SKAP1: variants seen among roughly 807,000 people sequenced by gnomAD.
The protein encoded by SKAP1 is src kinase associated phosphoprotein 1.
In SKAP1, 44 loss-of-function variants were observed where a neutral mutation model predicts 58.5. The ratio of observed to expected loss-of-function variants is 0.75; its 90% CI spans 0.59 to 0.97. SKAP1 has a LOEUF of 0.97. SKAP1 is among the 50% of genes least tolerant of loss of function. The pLI is 0.00. For synonymous variants in SKAP1, 127 were observed against 149.7 expected (o/e 0.85, Z 1.11); for missense variants, 390 against 435.2 (o/e 0.90, Z 0.92).
At chr17:48,300,777 C>T (rs1343143363) in intron 4 of SKAP1, among the ~76,000 whole-genome samples, 1 of 152,156 alleles carries the variant, frequency 6.6e-6, no homozygotes, top group African/African-American at 2.4e-5. Flanking sequence ...TTAATGGCTG[C>T]CTTAAACTTC....
intron 4 of SKAP1, among the ~76,000 whole-genome samples, chr17:48,224,537 C>A (rs1436421990): frequency 6.6e-6 from 1 of 152,202 alleles, no homozygotes. Context: ...ATTGACTGAA[C>A]TATTCCATTT....
chr17:48,157,660 C>T (rs1019473817), intron 11 of SKAP1, among the ~76,000 whole-genome samples: 2 of 150,766 alleles, frequency 1.3e-5, no homozygotes, highest in Admixed American at 6.6e-5. Flanking sequence ...TCCCAAGTAG[C>T]TGGGACTACA....
chr17:48,411,906 G>A (rs535467753), intron 1 of SKAP1, among the ~76,000 whole-genome samples: 1 of 152,228 alleles, frequency 6.6e-6, no homozygotes, highest in Non-Finnish European at 1.5e-5. Flanking sequence ...AACTAAACGA[G>A]GTATCCTGGA....
intron 11 of SKAP1, among the ~76,000 whole-genome samples, chr17:48,154,875 A>G (rs1208083802): frequency 7.2e-5 from 11 of 151,918 alleles, no homozygotes. Flanking sequence ...CCTGGCCAAC[A>G]TGGTGAAACC....
At chr17:48,402,677 C>A (rs2067514605) in intron 1 of SKAP1, among the ~76,000 whole-genome samples, 1 of 152,076 alleles carries the variant, frequency 6.6e-6, no homozygotes, top group Non-Finnish European at 1.5e-5. Flanking sequence ...ACCCAAATAT[C>A]CATTAACTGA....
the SKAP1 span, among the ~76,000 whole-genome samples, chr17:48,439,453 C>T: frequency 6.6e-6 from 1 of 152,182 alleles, no homozygotes; most frequent in Admixed American, 6.5e-5. Context: ...ACACTTCATT[C>T]AATGGTGTGG....
chr17:48,290,490 C>T (rs9909089), intron 4 of SKAP1, among the ~76,000 whole-genome samples: 14,053 of 152,220 alleles, frequency 0.092, 991 homozygotes, highest in African/African-American at 0.17. Context: ...ACAAGAACTT[C>T]CCCAGCCTCT....
At chr17:48,165,294 T>C (rs1226028676) in intron 10 of SKAP1, among the ~76,000 whole-genome samples, 8 of 152,300 alleles carry the variant, frequency 5.3e-5, no homozygotes, top group Non-Finnish European at 1.0e-4. Context: ...GCCCAGAGTC[T>C]GCAGGGCTAG....
In SKAP1 at chr17:48,312,108, C is replaced by T. The variant is rs367956792; in HGVS notation, c.280+33797G>A. Among the ~76,000 whole-genome samples the T allele has an allele frequency of 1.7e-4, 26 of 152,278 alleles. No individual in the cohort carries two copies. The South Asian group carries it at 5.2e-3, about 30-fold the overall frequency. On this transcript the variant is annotated intron_variant, in intron 4 of 12. Transcript: ENST00000336915. ...ATGAATCACATTTAACATTAACATACGATTTTAGCCATTAGCCCAGTTTGG... is the reference window on the plus strand; with the variant it reads ...ATGAATCACATTTAACATTAACATATGATTTTAGCCATTAGCCCAGTTTGG...
At chr17:48,431,096 A>G (rs901831017), upstream of SKAP1, among the ~76,000 whole-genome samples, 1 of 152,222 alleles carries the variant, frequency 6.6e-6, no homozygotes, top group African/African-American at 2.4e-5. Flanking sequence ...GTCAACTGCC[A>G]TGAAAAAAGT....
At chr17:48,374,695 C>T (rs77572914) in intron 2 of SKAP1, among the ~76,000 whole-genome samples, 1 of 152,172 alleles carries the variant, frequency 6.6e-6, no homozygotes, top group African/African-American at 2.4e-5. Context: ...TCCTATAATT[C>T]TTTTTCTCAC....
chr17:48,303,590 C>T (rs1167309885), intron 4 of SKAP1, among the ~76,000 whole-genome samples: 1 of 152,180 alleles, frequency 6.6e-6, no homozygotes, highest in South Asian at 2.1e-4. Context: ...AAAGGGACCG[C>T]TTTCCTTCAG....
intron 4 of SKAP1, among the ~76,000 whole-genome samples, chr17:48,335,660 G>T (rs985573350): frequency 7.9e-5 from 12 of 152,012 alleles, no homozygotes; most frequent in African/African-American, 2.9e-4. Flanking sequence ...GAGGAGATCT[G>T]ATTAAATATG....
intron 2 of SKAP1, among the ~76,000 whole-genome samples, chr17:48,364,741 G>A (rs561257452): frequency 1.3e-5 from 2 of 152,246 alleles, no homozygotes; most frequent in East Asian, 1.9e-4. Flanking sequence ...GTTGTCTAAC[G>A]TTTTAGTGCA....
intron 3 of SKAP1, among the ~76,000 whole-genome samples, chr17:48,353,897 CAAA>C (rs200738005): frequency 9.9e-5 from 6 of 60,788 alleles, no homozygotes; most frequent in Non-Finnish European, 1.3e-4. Context: ...GACTCTGTCT[CAAA>C]AAAAAAAAAA....
intron 11 of SKAP1, among the ~76,000 whole-genome samples, chr17:48,147,167 C>T (rs1368629107): frequency 6.6e-6 from 1 of 152,158 alleles, no homozygotes; most frequent in African/African-American, 2.4e-5. Context: ...TGCTTATAAA[C>T]AAGAGGATGC....
At chr17:48,137,031 TAA>T (rs2030398230) in intron 12 of SKAP1, 196 bp downstream of exon 12, 1 of 492,834 alleles carries the variant, frequency 2.0e-6, no homozygotes, top group South Asian at 2.7e-5. Context: ...AACCTTATCC[TAA>T]GTGACACTGT....
chr17:48,310,520 G>T lies in SKAP1; in HGVS notation c.280+35385C>A, dbSNP rs116036687. 5.6e-3 allele frequency among the ~76,000 whole-genome samples: 859 copies of T among 152,256 alleles called. 10 individuals carry two copies. The highest frequency in any genetic ancestry group is 0.02 in the African/African-American group (825 of 41,538). On this transcript the variant is annotated intron_variant, in intron 4 of 12. Coordinates refer to ENST00000336915, the MANE Select transcript of SKAP1 (RefSeq NM_003726.4). ...GTTCATATTTTCACTCTAATGAAGG[G>T]CTGCACATTTAATTGTAAGATTTAT...
chr17:48,251,322 A>G (rs930923054), intron 4 of SKAP1, among the ~76,000 whole-genome samples: 2 of 152,236 alleles, frequency 1.3e-5, no homozygotes, highest in African/African-American at 4.8e-5. Context: ...CCAAGTATAT[A>G]GAATCACCTC....
Sources: allele counts gnomAD v4.1 joint callset (sites outside exome capture counted in the v4.1 genomes callset), GRCh38; gene constraint gnomAD v4.1.1; transcripts MANE v1.5; gene names NCBI Gene and HGNC (gene_info 2026-07-23, HGNC 2026-07-21).